Variants in SLC39A11 observed in about 807,000 individuals in gnomAD.
SLC39A11 encodes zinc transporter ZIP11.
Under a neutral mutation model 36.1 loss-of-function variants are expected in SLC39A11, and 33 were observed. The ratio of observed to expected loss-of-function variants is 0.91; its 90% CI spans 0.69 to 1.22. The LOEUF is 1.22. Ranked by LOEUF, SLC39A11 falls within the 50% of genes most tolerant of loss-of-function variation. SLC39A11 has a pLI of 0.00. For synonymous variants in SLC39A11, 166 were observed against 170.3 expected (o/e 0.97, Z 0.20); for missense variants, 432 against 430.3 (o/e 1.00, Z -0.03).
intron 5 of SLC39A11, among the ~76,000 whole-genome samples, chr17:72,893,432 C>CAAGA (rs2081863252): frequency 6.6e-6 from 1 of 151,916 alleles, no homozygotes; most frequent in Admixed American, 6.6e-5. Flanking sequence ...TGCACTCCAG[C>CAAGA]CTGGGCGACA....
intron 3 of SLC39A11, among the ~76,000 whole-genome samples, chr17:73,079,736 C>A (rs1277589745): frequency 6.6e-6 from 1 of 152,092 alleles, no homozygotes; most frequent in Non-Finnish European, 1.5e-5. Context: ...GATCGTATAC[C>A]TAGAAAACCC....
chr17:72,854,726 A>G (rs2079547720), intron 5 of SLC39A11, among the ~76,000 whole-genome samples: 1 of 152,162 alleles, frequency 6.6e-6, no homozygotes, highest in Non-Finnish European at 1.5e-5. Context: ...GAAAGGACCC[A>G]CTGCCAGGGC....
intron 7 of SLC39A11, among the ~76,000 whole-genome samples, chr17:72,666,435 A>G (rs879912667): frequency 3.3e-5 from 5 of 152,200 alleles, no homozygotes; most frequent in Non-Finnish European, 5.9e-5. Context: ...CCGCAAAACA[A>G]TCTTCTGGGC....
chr17:72,756,645 T>C (rs1464033860), intron 6 of SLC39A11, among the ~76,000 whole-genome samples: 1 of 152,246 alleles, frequency 6.6e-6, no homozygotes, highest in African/African-American at 2.4e-5. Context: ...ATGTGGATAC[T>C]GCTTAATAGG....
At chr17:72,970,016 A>G (rs138787391) in intron 4 of SLC39A11, among the ~76,000 whole-genome samples, 348 of 152,308 alleles carry the variant, frequency 2.3e-3, no homozygotes, top group African/African-American at 7.9e-3. Context: ...CCACCTCCAC[A>G]TACCTGAGCG....
chr17:72,881,924 C>A (rs961088331), intron 5 of SLC39A11, among the ~76,000 whole-genome samples: 3 of 152,192 alleles, frequency 2.0e-5, no homozygotes, highest in Non-Finnish European at 4.4e-5. Flanking sequence ...AAGGTGTTGG[C>A]CAGGATTTAT....
chr17:72,912,173 C>T (rs1320493686), intron 5 of SLC39A11, among the ~76,000 whole-genome samples: 1 of 152,060 alleles, frequency 6.6e-6, no homozygotes, highest in African/African-American at 2.4e-5. Context: ...AATAAATGAG[C>T]AGCTAAGTAA....
At chr17:72,943,642 C>A (rs1274100292) in intron 5 of SLC39A11, among the ~76,000 whole-genome samples, 6 of 152,178 alleles carry the variant, frequency 3.9e-5, no homozygotes, top group Non-Finnish European at 2.9e-5. Flanking sequence ...ACTGAATAAT[C>A]TCCTAAAGTA....
chr17:72,997,027 T>G (rs1250240857), intron 4 of SLC39A11, among the ~76,000 whole-genome samples: 1 of 152,090 alleles, frequency 6.6e-6, no homozygotes, highest in East Asian at 1.9e-4. Context: ...CAGCTTAATG[T>G]AGTCAAGAGC....
intron 7 of SLC39A11, among the ~76,000 whole-genome samples, chr17:72,716,744 G>A (rs1016079995): frequency 5.9e-5 from 9 of 151,968 alleles, no homozygotes; most frequent in African/African-American, 2.2e-4. Context: ...CGAGGTGGGC[G>A]GATCACTTGA....
At chr17:72,986,110 A>T (rs1459900243) in intron 4 of SLC39A11, among the ~76,000 whole-genome samples, 1 of 152,180 alleles carries the variant, frequency 6.6e-6, no homozygotes, top group Non-Finnish European at 1.5e-5. Context: ...CTTTCCAGAA[A>T]GTTCTAGCCT....
intron 4 of SLC39A11, among the ~76,000 whole-genome samples, chr17:72,964,067 C>T (rs537311111): frequency 6.6e-6 from 1 of 152,052 alleles, no homozygotes; most frequent in Admixed American, 6.6e-5. Flanking sequence ...CTGCTAGTGG[C>T]GCCCCCCGAG....
At chr17:72,893,701 A>G (rs1317109101) in intron 5 of SLC39A11, among the ~76,000 whole-genome samples, 2 of 152,120 alleles carry the variant, frequency 1.3e-5, no homozygotes, top group Non-Finnish European at 2.9e-5. Context: ...CATGAGAAAA[A>G]TCAAGGTTAG....
chr17:73,082,889 A>C (rs7216606), intron 3 of SLC39A11, among the ~76,000 whole-genome samples: 120,860 of 151,616 alleles, frequency 0.8, 48,291 homozygotes, highest in East Asian at 0.88. Context: ...GGTGGTGCAC[A>C]CCTGTAATCC....
At chr17:72,662,711 AAG>A (rs1316218129) in intron 7 of SLC39A11, among the ~76,000 whole-genome samples, 4 of 150,412 alleles carry the variant, frequency 2.7e-5, no homozygotes, top group Non-Finnish European at 5.9e-5. Flanking sequence ...GGAGGGAAGA[AAG>A]AGAAGAAAGA....
rs2082362489 is a variant in SLC39A11, at chr17:72,900,969, CA to C, written c.430+46782del. 2.6e-5 allele frequency among the ~76,000 whole-genome samples: 3 copies of C among 116,150 alleles called. No individual in the cohort carries two copies. In the Admixed American group the frequency reaches 2.7e-4, roughly 10 times the overall value. The allele number at this position is 116,150 out of a possible 152,430, so 76.2% of individuals were successfully genotyped here. A position where few individuals can be genotyped will look rare whatever the true frequency, so the allele number is the denominator to read the frequency against. On this transcript the variant is annotated intron_variant, in intron 5 of 9. Transcript: ENST00000255559. ...CCTGTGCCTATTAGAGGGAAACAAACAAACAAACAACAAAAAAAAAACACGA... is the reference window on the plus strand; with the variant it reads ...CCTGTGCCTATTAGAGGGAAACAAACAACAAACAACAAAAAAAAAACACGA...
At chr17:72,669,413 G>C (rs547004843) in intron 7 of SLC39A11, among the ~76,000 whole-genome samples, 2 of 152,246 alleles carry the variant, frequency 1.3e-5, no homozygotes, top group African/African-American at 4.8e-5. Context: ...GTCTTTCCTT[G>C]ATTTTCATGA....
Position 72,947,870 on chromosome 17 carries a change from T to C in SLC39A11, c.312A>G (p.Ala104=). Residue 104 remains alanine, a synonymous_variant, in exon 5 of 10, where the codon GCA becomes GCG. Transcript: ENST00000255559. Reference sequence around the variant, plus strand: ...CCAGGGTCGTCTGGGGGTCTTCTGCTGCACCCTGAAACAAGAAGCGGTAAC... The same window carrying C: ...CCAGGGTCGTCTGGGGGTCTTCTGCCGCACCCTGAAACAAGAAGCGGTAAC... The part of the protein sequence containing the change: ...LADLLMPHLG[A]AEDPQTTLAL... 6.2e-7 allele frequency: 1 copy of C among 1,613,808 alleles called. No individual in the cohort carries two copies. The highest frequency in any genetic ancestry group is 8.5e-7 in the Non-Finnish European group (1 of 1,180,026).
intron 3 of SLC39A11, among the ~76,000 whole-genome samples, chr17:73,042,387 C>A (rs759750023): frequency 6.6e-6 from 1 of 152,220 alleles, no homozygotes; most frequent in Non-Finnish European, 1.5e-5. Context: ...TCAGTGCCTA[C>A]TATGGAGCAG....
Sources: allele counts gnomAD v4.1 joint callset (sites outside exome capture counted in the v4.1 genomes callset), GRCh38; gene constraint gnomAD v4.1.1; transcripts MANE v1.5; gene names NCBI Gene and HGNC (gene_info 2026-07-23, HGNC 2026-07-21).